Variants in MRPL22 observed in about 807,000 individuals in gnomAD.
MRPL22 encodes the protein mitochondrial ribosomal protein L22.
MRPL22 carries 27 observed loss-of-function variants against 32.4 expected under a neutral mutation model. That is an observed-to-expected ratio of 0.83 (90% CI 0.61 to 1.15). MRPL22 has a LOEUF of 1.15. Ranked by LOEUF, MRPL22 falls within the 50% of genes most tolerant of loss-of-function variation. The probability of loss-of-function intolerance (pLI) is 0.00; values close to 1 mark genes in which losing one functional copy is unlikely to be tolerated. For synonymous variants in MRPL22, 86 were observed against 87.3 expected, an observed-to-expected ratio of 0.99 and a Z score of 0.08; for missense variants, 239 against 260.2, an observed-to-expected ratio of 0.92 and a Z score of 0.56.
intron 5 of MRPL22, among the ~76,000 whole-genome samples, chr5:154,958,198 C>T (rs913327487): frequency 1.3e-5 from 2 of 152,078 alleles, no homozygotes; most frequent in Admixed American, 6.5e-5. Flanking sequence ...GGATTACAGG[C>T]GTGAGCCACC....
chr5:154,966,571 A>G (rs948721177), intron 6 of MRPL22, 115 bp from the exon 7 acceptor site: 28 of 1,069,362 alleles, frequency 2.6e-5, no homozygotes, highest in Non-Finnish European at 3.9e-5. Flanking sequence ...GCTCTAGCCA[A>G]CCAGTGAGCC....
intron 3 of MRPL22, chr5:154,956,151 A>G (rs931850941): frequency 4.0e-5 from 19 of 471,506 alleles, no homozygotes; most frequent in South Asian, 2.1e-4. Context: ...TATAGTTTCT[A>G]TTTCTCCCGT....
Position 154,968,670 on chromosome 5 carries a change from TGTG to T in MRPL22, c.*1778_*1780del, listed in dbSNP as rs1764805451. On this transcript the variant is annotated 3_prime_UTR_variant, in exon 7 of 7. Transcript: ENST00000523037. ...ATCACACCAGGTCACTGTGCTCTCA[TGTG>T]GTGGGGATGCTCCACGATTGCTCTT... 2 of 152,204 alleles carry T rather than the reference TGTG, an allele frequency of 1.3e-5. No individual in the cohort carries two copies. The highest frequency in any genetic ancestry group is 1.3e-4 in the Admixed American group (2 of 15,276). 9.4% of individuals were successfully genotyped at this position (152,204 alleles called of 1,614,324 possible). A position where few individuals can be genotyped will look rare whatever the true frequency, so the allele number is the denominator to read the frequency against.
In MRPL22 at chr5:154,941,097, C is replaced by T. The variant is rs1239911756; in HGVS notation, c.-14C>T. 1 of 1,613,512 alleles carries T rather than the reference C, an allele frequency of 6.2e-7. No individual in the cohort carries two copies. Among genetic ancestry groups the T allele is most frequent in the South Asian group, 1.1e-5 (1 of 91,040 alleles). On this transcript the variant is annotated 5_prime_UTR_variant, in exon 1 of 7. Transcript: ENST00000523037. ...CGCTTGAACTCGGCGGCTTCCGTAG[C>T]GGGAGGGCGAAAGATGGCGGCGGCA...
In MRPL22 at chr5:154,950,890, T is replaced by G. The variant is rs368650810; in HGVS notation, c.147T>G (p.Asn49Lys). Residue 49 changes from asparagine (N) to lysine (K), a missense_variant, in exon 3 of 7, where the codon AAT becomes AAG. Physicochemically the swap from Asn to Lys is moderately conservative, Grantham distance 94. Transcript: ENST00000523037. Reference sequence around the variant, plus strand: ...TTTCTCGAAAATGGGAGAAGAAGAATAAAATTGTTTATCCTCCACAACTGC... The same window carrying G: ...TTTCTCGAAAATGGGAGAAGAAGAAGAAAATTGTTTATCCTCCACAACTGC... ...LDISRKWEKK[N>K]KIVYPPQLPG... 3 of 1,613,870 alleles carry G rather than the reference T, an allele frequency of 1.9e-6. No individual in the cohort carries two copies. Among genetic ancestry groups the G allele is most frequent in the Non-Finnish European group, 2.5e-6 (3 of 1,179,790 alleles).
At chr5:154,941,514 T>C (rs755408524) in intron 2 of MRPL22, among the ~76,000 whole-genome samples, 7 of 152,216 alleles carry the variant, frequency 4.6e-5, no homozygotes, top group African/African-American at 7.2e-5. Context: ...TACTGTGATC[T>C]TTCTGGACAA....
intron 2 of MRPL22, among the ~76,000 whole-genome samples, chr5:154,948,706 C>G (rs996015237): frequency 2.0e-5 from 3 of 152,110 alleles, no homozygotes; most frequent in African/African-American, 7.2e-5. Context: ...TTTGCTATTC[C>G]TTCATTACTA....
At chr5:154,953,353 G>A (rs904100439) in intron 3 of MRPL22, among the ~76,000 whole-genome samples, 102 of 108,430 alleles carry the variant, frequency 9.4e-4, no homozygotes, top group African/African-American at 3.5e-3. Context: ...GCGAGACTCC[G>A]TCTCAGGAGA....
intron 6 of MRPL22, among the ~76,000 whole-genome samples, chr5:154,960,899 G>A (rs1764694858): frequency 6.6e-6 from 1 of 152,038 alleles, no homozygotes; most frequent in South Asian, 2.1e-4. Context: ...TTCTCAATCT[G>A]CCATACCAAC....
chr5:154,945,729 A>G (rs1243672923), intron 2 of MRPL22, among the ~76,000 whole-genome samples: 1 of 152,226 alleles, frequency 6.6e-6, no homozygotes, highest in Admixed American at 6.5e-5. Flanking sequence ...GAACCCAATT[A>G]AAGAAAGTGT....
Position 154,954,904 on chromosome 5 carries a change from G to A in MRPL22, c.196-1467G>A, listed in dbSNP as rs193239991. Among the ~76,000 whole-genome samples the A allele has an allele frequency of 2.8e-3, 428 of 152,078 alleles. 3 individuals are homozygous for A. Among genetic ancestry groups the A allele is most frequent in the African/African-American group, 1.0e-2 (414 of 41,488 alleles). ...CCTCCCGGGTTCATGGCATTCTCCC[G>A]CCTCAGCCTCCCGGGTAGCTGGGAC... is the stretch of plus-strand genomic sequence containing the variant. On this transcript the variant is annotated intron_variant, in intron 3 of 6. Coordinates refer to ENST00000523037, the MANE Select transcript of MRPL22 (RefSeq NM_014180.4).
At chr5:154,954,609 T>G (rs1764608280) in intron 3 of MRPL22, among the ~76,000 whole-genome samples, 1 of 151,880 alleles carries the variant, frequency 6.6e-6, no homozygotes, top group Admixed American at 6.6e-5. Flanking sequence ...AATGCTGAGG[T>G]TTTTTTTCAG....
rs2113540682 is a variant in MRPL22, at chr5:154,956,403, T to C, written c.228T>C (p.Tyr76=). ...EIYHCRRQIK[Y]SKDKMWYLAK... is the part of the protein sequence containing the mutation. ...ACCACTGTCGAAGACAAATAAAATA[T>C]AGCAAAGACAAGATGTGGTATTTGG... The change falls in exon 4 of 7, where the codon TAT becomes TAC. Residue 76 remains tyrosine, a synonymous_variant. Transcript: ENST00000523037. The C allele has an allele frequency of 6.2e-7, 1 of 1,610,688 alleles. No individual in the cohort carries two copies. Among genetic ancestry groups the C allele is most frequent in the Non-Finnish European group, 8.5e-7 (1 of 1,177,502 alleles).
chr5:154,949,257 A>C (rs1233734440), intron 2 of MRPL22, among the ~76,000 whole-genome samples: 2 of 152,206 alleles, frequency 1.3e-5, no homozygotes, highest in African/African-American at 2.4e-5. Context: ...GGAGAGATCT[A>C]GTACTTATTG....
Position 154,964,269 on chromosome 5 carries a change from A to G in MRPL22, c.410-2417A>G, listed in dbSNP as rs146441587. Among the ~76,000 whole-genome samples, 574 of 152,332 alleles carry G rather than the reference A, an allele frequency of 3.8e-3. 4 individuals carry two copies. The highest frequency in any genetic ancestry group is 0.013 in the African/African-American group (553 of 41,564). On this transcript the variant is annotated intron_variant, in intron 6 of 6. Transcript: ENST00000523037. ...CAGAGCCTGGTACCCAGGAGGAACTAAAAAATGTTTGTTGAGTGAATGAAT... is the reference window on the plus strand; with the variant it reads ...CAGAGCCTGGTACCCAGGAGGAACTGAAAAATGTTTGTTGAGTGAATGAAT...
At chr5:154,950,586 T>C (rs1449093051) in intron 2 of MRPL22, among the ~76,000 whole-genome samples, 1 of 152,208 alleles carries the variant, frequency 6.6e-6, no homozygotes, top group Non-Finnish European at 1.5e-5. Flanking sequence ...TGGGTTAATA[T>C]CTATTAACGG....
At chr5:154,966,603 C>A in intron 6 of MRPL22, 83 bp from the exon 7 acceptor site, 1 of 1,430,836 alleles carries the variant, frequency 7.0e-7, no homozygotes, top group Non-Finnish European at 9.7e-7. Flanking sequence ...AGAATCCAGT[C>A]AAGGAAAGGA....
At chr5:154,950,759 G>T in intron 2 of MRPL22, 62 bp from the exon 3 acceptor site, 1 of 1,063,542 alleles carries the variant, frequency 9.4e-7, no homozygotes, top group Non-Finnish European at 1.5e-6. Context: ...CAAAAGATAT[G>T]TAAACTCTAC....
chr5:154,964,868 T>C (rs1764746350), intron 6 of MRPL22, among the ~76,000 whole-genome samples: 1 of 152,192 alleles, frequency 6.6e-6, no homozygotes, highest in Non-Finnish European at 1.5e-5. Context: ...TAGAAGCAGC[T>C]ATCACATTTG....
Sources: allele counts gnomAD v4.1 joint callset (sites outside exome capture counted in the v4.1 genomes callset), GRCh38; gene constraint gnomAD v4.1.1; transcripts MANE v1.5; gene names NCBI Gene and HGNC (gene_info 2026-07-23, HGNC 2026-07-21).